The following MAML1 variants were observed in gnomAD, a reference collection of about 807,000 sequenced individuals.
MAML1 encodes mastermind like transcriptional coactivator 1, also known as mastermind-like protein 1.
MAML1 carries 14 observed loss-of-function variants against 77.1 expected under a neutral mutation model. The observed-to-expected ratio is 0.18, with a 90% CI of 0.12 to 0.28. The LOEUF is 0.28. MAML1 is among the 10% of genes least tolerant of loss of function. The probability of loss-of-function intolerance (pLI) is 1.00; values close to 1 mark genes in which losing one functional copy is unlikely to be tolerated. For missense variants in MAML1, 1,217 were observed against 1,327.8 expected (o/e 0.92, Z 1.30); for synonymous variants, 516 against 551.9 (o/e 0.93, Z 0.91).
chr5:179,760,883 A>G (rs1779710985), intron 1 of MAML1, among the ~76,000 whole-genome samples: 1 of 151,478 alleles, frequency 6.6e-6, no homozygotes, highest in African/African-American at 2.4e-5. Context: ...CAAGGTCAGG[A>G]GATCGAGACC....
intron 1 of MAML1, among the ~76,000 whole-genome samples, chr5:179,753,476 G>A (rs946629789): frequency 1.3e-5 from 2 of 151,962 alleles, no homozygotes; most frequent in Non-Finnish European, 2.9e-5. Flanking sequence ...TATTTGTAAA[G>A]GGAATAAGGG....
rs1779798429 is a variant in MAML1 at position 179,765,421 on chromosome 5, T to A, written c.411T>A (p.His137Gln). The change falls in exon 2 of 5, where the codon CAT (histidine) becomes CAA (glutamine). Residue 137 changes from histidine to glutamine, a missense_variant. Physicochemically the swap from His to Gln is conservative, Grantham distance 24. Transcript: ENST00000292599. ...QNGYGDLFPG[H>Q]KKTRREAPLG... The stretch of plus-strand genomic sequence containing the variant: ...GCTACGGGGACCTCTTTCCTGGGCA[T>A]AAGAAGACTCGCCGGGAGGCCCCTC... 3 of 1,614,102 alleles carry A rather than the reference T, an allele frequency of 1.9e-6. No homozygotes were observed. In the African/African-American group the frequency reaches 4.0e-5, roughly 22 times the overall value.
rs1756127511 is a variant in MAML1, at chr5:179,775,964, G to C, written c.*1087G>C. ...GGCCCGGAGGAAGCAATTCCACTTG[G>C]TTTGACAACTTCTGCCACTCCCATG... is the stretch of plus-strand genomic sequence containing the variant. On this transcript the variant is annotated 3_prime_UTR_variant, in exon 5 of 5. Transcript: ENST00000292599. 1.0e-6 allele frequency: 1 copy of C among 985,628 alleles called. No individual in the cohort carries two copies. The highest frequency in any genetic ancestry group is 6.1e-5 in the Admixed American group (1 of 16,270). The allele number at this position is 985,628 out of a possible 1,614,324, so 61.1% of individuals were successfully genotyped here.
At chr5:179,734,444 CT>C (rs761697338) in intron 1 of MAML1, among the ~76,000 whole-genome samples, 11 of 152,238 alleles carry the variant, frequency 7.2e-5, no homozygotes, top group Middle Eastern at 3.4e-3. Context: ...CCTAACCTAT[CT>C]TTTAATGTCC....
Position 179,733,353 on chromosome 5 carries a change from ACGGCCCCGGCGCCCGCCGCCC to A in MAML1, c.250_270del (p.Ala84_Pro90del), listed in dbSNP as rs1562540267. ...GAAGCACAGGCAGCCGCCCGCCGCC[ACGGCCCCGGCGCCCGCCGCCC>A]CGGCCCCGCGCCTGGACGCCGCTGA... On this transcript the variant is annotated inframe_deletion, in exon 1 of 5. Transcript: ENST00000292599. 2.0e-5 allele frequency: 25 copies of A among 1,278,604 alleles called. No homozygotes were observed. In the Middle Eastern group the frequency reaches 9.1e-4, roughly 46 times the overall value. The allele number at this position is 1,278,604 out of a possible 1,614,324, so 79.2% of individuals were successfully genotyped here.
At chr5:179,759,388 C>T (rs569018041) in intron 1 of MAML1, among the ~76,000 whole-genome samples, 1 of 152,230 alleles carries the variant, frequency 6.6e-6, no homozygotes, top group African/African-American at 2.4e-5. Flanking sequence ...TGAGTGAGAT[C>T]CTGAATTCAC....
chr5:179,763,441 C>T lies in MAML1; in HGVS notation c.316-1885C>T, dbSNP rs189160162. On this transcript the variant is annotated intron_variant, in intron 1 of 4. Transcript: ENST00000292599. Reference sequence around the variant, plus strand: ...ACCTCTGCCCTGCAGTTCCATTTGTCAGGCATTCCTGCGATTTTTTTTTTT... The same window carrying T: ...ACCTCTGCCCTGCAGTTCCATTTGTTAGGCATTCCTGCGATTTTTTTTTTT... Among the ~76,000 whole-genome samples the T allele has an allele frequency of 2.2e-3, 281 of 130,310 alleles. 1 individual carries two copies. Among genetic ancestry groups the T allele is most frequent in the African/African-American group, 7.7e-3 (258 of 33,414 alleles). The allele number at this position is 130,310 out of a possible 152,430, so 85.5% of individuals were successfully genotyped here. A position where few individuals can be genotyped will look rare whatever the true frequency, so the allele number is the denominator to read the frequency against.
chr5:179,743,364 C>CA (rs1395456927), intron 1 of MAML1, among the ~76,000 whole-genome samples: 3 of 91,770 alleles, frequency 3.3e-5, no homozygotes, highest in African/African-American at 1.2e-4. Context: ...CTGCCCCACG[C>CA]TTTTTTTTTT....
Position 179,771,369 on chromosome 5 carries a change from C to A in MAML1, c.2068+126C>A. ...GCTGCATGCATTGTCATCATATACA[C>A]CTCAGTTTGCCTAAGGGGCCTGGTT... On this transcript the variant is annotated intron_variant, in intron 4 of 4. Coordinates refer to ENST00000292599, the MANE Select transcript of MAML1 (RefSeq NM_014757.5). The surrounding 1 kb of genome is among the most constrained non-coding windows in gnomAD (Gnocchi z 4.7). The A allele has an allele frequency of 1.3e-6, 1 of 754,558 alleles. No individual in the cohort carries two copies. 46.7% of individuals were successfully genotyped at this position (754,558 alleles called of 1,614,324 possible). A position where few individuals can be genotyped will look rare whatever the true frequency, so the allele number is the denominator to read the frequency against.
intron 1 of MAML1, among the ~76,000 whole-genome samples, chr5:179,764,279 G>GCT (rs1474166383): frequency 2.0e-5 from 3 of 152,254 alleles, no homozygotes; most frequent in Non-Finnish European, 1.5e-5. Context: ...AACTTCAGTG[G>GCT]CATGAATCCA....
chr5:179,776,232 C>G lies in MAML1; in HGVS notation c.*1355C>G, dbSNP rs1756131414. On this transcript the variant is annotated 3_prime_UTR_variant, in exon 5 of 5. Coordinates refer to ENST00000292599, the MANE Select transcript of MAML1 (RefSeq NM_014757.5). ...AGAATGCTGAAAAGTGGCTCAGATG[C>G]AGAGTGTTCTGTGGAGAAACTGCAG... 2.0e-6 allele frequency: 2 copies of G among 985,814 alleles called. No individual in the cohort carries two copies. The highest frequency in any genetic ancestry group is 2.4e-6 in the Non-Finnish European group (2 of 829,994). The allele number at this position is 985,814 out of a possible 1,614,324, so 61.1% of individuals were successfully genotyped here. A position where few individuals can be genotyped will look rare whatever the true frequency, so the allele number is the denominator to read the frequency against.
At chr5:179,753,714 G>A (rs72809802) in intron 1 of MAML1, among the ~76,000 whole-genome samples, 3,534 of 139,278 alleles carry the variant, frequency 0.025, 75 homozygotes, top group Non-Finnish European at 0.037. Flanking sequence ...AGGCTGCAGT[G>A]CAATGGTGTG....
intron 1 of MAML1, among the ~76,000 whole-genome samples, chr5:179,757,384 A>G (rs1779641563): frequency 6.6e-6 from 1 of 152,070 alleles, no homozygotes; most frequent in African/African-American, 2.4e-5. Flanking sequence ...CCTGACCAAC[A>G]TGGTGAAACC....
At chr5:179,747,022 C>T (rs142950085) in intron 1 of MAML1, among the ~76,000 whole-genome samples, 122 of 152,218 alleles carry the variant, frequency 8.0e-4, no homozygotes, top group Non-Finnish European at 1.4e-3. Context: ...TTGGTAGAGA[C>T]GAAGTCTTGC....
At chr5:179,746,810 G>A (rs756601964) in intron 1 of MAML1, among the ~76,000 whole-genome samples, 5 of 152,172 alleles carry the variant, frequency 3.3e-5, no homozygotes, top group African/African-American at 9.7e-5. Context: ...GAAACCATCC[G>A]ACTTGCAAAA....
intron 1 of MAML1, among the ~76,000 whole-genome samples, chr5:179,763,034 T>C (rs915456070): frequency 3.9e-5 from 6 of 152,246 alleles, no homozygotes; most frequent in Non-Finnish European, 8.8e-5. Flanking sequence ...GTTTCTAATC[T>C]GAGACAACCA....
intron 1 of MAML1, among the ~76,000 whole-genome samples, chr5:179,740,636 G>A (rs1372217658): frequency 1.3e-5 from 2 of 152,064 alleles, no homozygotes; most frequent in Non-Finnish European, 2.9e-5. Flanking sequence ...GGTTGGTGTG[G>A]ATAGGAGTGG....
rs1004466580 is a variant in MAML1, at chr5:179,766,988, C to T, written c.1731+247C>T. Among the ~76,000 whole-genome samples, 1 of 152,112 alleles carries T rather than the reference C, an allele frequency of 6.6e-6. No homozygotes were observed. The highest frequency in any genetic ancestry group is 1.5e-5 in the Non-Finnish European group (1 of 68,034). ...ACTGCACGAAGGTTTCAGGAATCAC[C>T]TGCATTTAGTCCACTGTCTCTTTCG... On this transcript the variant is annotated intron_variant, in intron 2 of 4. Coordinates refer to ENST00000292599, the MANE Select transcript of MAML1 (RefSeq NM_014757.5). The surrounding 1 kb of genome is among the most constrained non-coding windows in gnomAD (Gnocchi z 4.0).
At chr5:179,760,495 C>T (rs1393599060) in intron 1 of MAML1, among the ~76,000 whole-genome samples, 1 of 152,132 alleles carries the variant, frequency 6.6e-6, no homozygotes, top group Non-Finnish European at 1.5e-5. Flanking sequence ...AGCCGCATGA[C>T]CCCAGCATGC....
Sources: allele counts gnomAD v4.1 joint callset (sites outside exome capture counted in the v4.1 genomes callset), GRCh38; gene constraint gnomAD v4.1.1; non-coding constraint Gnocchi (gnomAD v3.1); transcripts MANE v1.5; gene names NCBI Gene and HGNC (gene_info 2026-07-23, HGNC 2026-07-21).